Variants in DENND6A observed in about 807,000 individuals in gnomAD.
DENND6A encodes the protein protein DENND6A.
DENND6A carries 43 observed loss-of-function variants against 95.5 expected under a neutral mutation model. The observed-to-expected ratio is 0.45, with a 90% confidence interval of 0.35 to 0.58. DENND6A has a LOEUF of 0.58. Ranked by LOEUF, DENND6A falls within the 20% of genes least tolerant of loss-of-function variation. The pLI, the probability that DENND6A is intolerant of heterozygous loss-of-function variation, is 0.00. For missense variants in DENND6A, 574 were observed against 736.0 expected, an observed-to-expected ratio of 0.78 and a Z score of 2.55; for synonymous variants, 257 against 260.4, an observed-to-expected ratio of 0.99 and a Z score of 0.13.
chr3:57,691,707 G>T (rs1467698531), intron 1 of DENND6A, among the ~76,000 whole-genome samples: 1 of 132,518 alleles, frequency 7.5e-6, no homozygotes, highest in Non-Finnish European at 1.6e-5. Context: ...AAACCAAAAC[G>T]TCTAAACAAA....
At chr3:57,681,692 T>G (rs2077167800) in intron 1 of DENND6A, among the ~76,000 whole-genome samples, 1 of 147,204 alleles carries the variant, frequency 6.8e-6, no homozygotes, top group Admixed American at 6.7e-5. Context: ...AAATAATGAA[T>G]AAACAAAATG....
intron 1 of DENND6A, among the ~76,000 whole-genome samples, chr3:57,682,340 C>T (rs2077174025): frequency 1.4e-5 from 2 of 140,506 alleles, no homozygotes; most frequent in Admixed American, 7.1e-5. Context: ...CACTGCTTTA[C>T]ACACTGCTTT....
intron 9 of DENND6A, among the ~76,000 whole-genome samples, chr3:57,656,548 A>G (rs2071330753): frequency 6.6e-6 from 1 of 152,202 alleles, no homozygotes. Flanking sequence ...ATACCTAGAA[A>G]TAGGATGACT....
intron 1 of DENND6A, chr3:57,679,687 G>A (rs1162933863): frequency 1.4e-5 from 6 of 421,482 alleles, no homozygotes; most frequent in South Asian, 9.9e-5. Flanking sequence ...CACATCAATG[G>A]TCCATTGTTG....
chr3:57,649,817 C>A (rs2071163459), intron 9 of DENND6A, among the ~76,000 whole-genome samples: 1 of 150,896 alleles, frequency 6.6e-6, no homozygotes, highest in Non-Finnish European at 1.5e-5. Context: ...ACCCCCACCC[C>A]CATGGATACC....
chr3:57,653,244 T>C (rs1183818321), intron 9 of DENND6A, among the ~76,000 whole-genome samples: 3 of 152,192 alleles, frequency 2.0e-5, no homozygotes, highest in African/African-American at 7.2e-5. Context: ...GGGATTCCTT[T>C]AAGGCACCAA....
chr3:57,634,219 G>C (rs2070744733), intron 14 of DENND6A, among the ~76,000 whole-genome samples: 2 of 151,958 alleles, frequency 1.3e-5, no homozygotes, highest in Admixed American at 1.3e-4. Context: ...TATCACTTAA[G>C]GCCAGGAGTT....
Position 57,692,549 on chromosome 3 carries a change from A to G in DENND6A, c.237+233T>C, listed in dbSNP as rs550875698. The stretch of plus-strand genomic sequence containing the variant: ...TAAAGAAAGAACAGGATGAACATCA[A>G]CAAGTATTTAGGAGGGGCCTAGAGA... On this transcript the variant is annotated intron_variant, in intron 1 of 19. Coordinates refer to ENST00000311128, the MANE Select transcript of DENND6A (RefSeq NM_152678.3). 2.5e-4 allele frequency among the ~76,000 whole-genome samples: 38 copies of G among 152,356 alleles called. 1 individual carries two copies. The South Asian group carries it at 7.7e-3, about 31-fold the overall frequency.
At chr3:57,639,083 A>C (rs2070868180) in intron 12 of DENND6A, among the ~76,000 whole-genome samples, 1 of 152,130 alleles carries the variant, frequency 6.6e-6, no homozygotes, top group Non-Finnish European at 1.5e-5. Flanking sequence ...GAGCAACAGC[A>C]CAAGACCCTA....
intron 9 of DENND6A, among the ~76,000 whole-genome samples, chr3:57,650,319 T>TTGCAGCAGAGA (rs1364655432): frequency 6.6e-4 from 99 of 150,238 alleles, no homozygotes; most frequent in African/African-American, 2.3e-3. Flanking sequence ...AAAAAAAAAG[T>TTGCAGCAGAGA]TGCAGCAGAG....
chr3:57,646,216 G>A, intron 10 of DENND6A, 100 bp downstream of exon 10: 1 of 1,477,256 alleles, frequency 6.8e-7, no homozygotes. Flanking sequence ...AATGGGTGGG[G>A]AAAAATACGA....
At chr3:57,660,428 G>T (rs375880911) in intron 7 of DENND6A, among the ~76,000 whole-genome samples, 7 of 152,106 alleles carry the variant, frequency 4.6e-5, no homozygotes, top group African/African-American at 1.7e-4. Flanking sequence ...GGATCCACCC[G>T]CCTCGGCCTC....
intron 4 of DENND6A, among the ~76,000 whole-genome samples, chr3:57,665,440 T>A (rs991047039): frequency 6.6e-6 from 1 of 152,130 alleles, no homozygotes; most frequent in Non-Finnish European, 1.5e-5. Context: ...ATTAATACAG[T>A]ATCTAGAACA....
At chr3:57,686,745 G>A (rs2077214706) in intron 1 of DENND6A, among the ~76,000 whole-genome samples, 1 of 152,104 alleles carries the variant, frequency 6.6e-6, no homozygotes, top group African/African-American at 2.4e-5. Context: ...CATGTGTTCT[G>A]ACAGCTCCAC....
intron 9 of DENND6A, among the ~76,000 whole-genome samples, chr3:57,655,509 A>G (rs1382505913): frequency 6.6e-6 from 1 of 152,232 alleles, no homozygotes; most frequent in African/African-American, 2.4e-5. Context: ...TCCCAAATCC[A>G]AAAGGTTTTG....
intron 1 of DENND6A, among the ~76,000 whole-genome samples, chr3:57,676,636 T>TA (rs894457212): frequency 2.0e-5 from 3 of 151,332 alleles, no homozygotes; most frequent in African/African-American, 4.8e-5. Context: ...TATAGCTAAG[T>TA]AAAAAAAAGG....
At position 57,657,889 on chromosome 3, in the gene DENND6A, C is replaced by T. The variant is rs72874839; in HGVS notation, c.763-154G>A. Among the ~76,000 whole-genome samples, 1,003 of 152,224 alleles carry T rather than the reference C, an allele frequency of 6.6e-3. 13 individuals carry two copies. Among genetic ancestry groups the T allele is most frequent in the African/African-American group, 0.022 (931 of 41,524 alleles). ...ACAGCCAGAGAGGGAATGGGTCTTA[C>T]CAATATTCCCTAATATAGCAGAAAA... On this transcript the variant is annotated intron_variant, in intron 8 of 19. Coordinates refer to ENST00000311128, the MANE Select transcript of DENND6A (RefSeq NM_152678.3).
At chr3:57,653,787 C>T (rs901593019) in intron 9 of DENND6A, among the ~76,000 whole-genome samples, 1 of 146,332 alleles carries the variant, frequency 6.8e-6, no homozygotes, top group Non-Finnish European at 1.5e-5. Context: ...AAATTAACTG[C>T]AGTATAGGAT....
At position 57,633,308 on chromosome 3, in the gene DENND6A, C is replaced by A; in HGVS notation, c.1310G>T (p.Arg437Leu). 1 of 1,613,708 alleles carries A rather than the reference C, an allele frequency of 6.2e-7. No individual in the cohort carries two copies. Among genetic ancestry groups the A allele is most frequent in the Non-Finnish European group, 8.5e-7 (1 of 1,179,910 alleles). ...TTGTGTCAGTTCCAAAAAATAGCGT[C>A]GAAGAATAACACTTTGAGCCTCAGA... is the stretch of plus-strand genomic sequence containing the variant. ...RPSEAQSVIL[R>L]RYFLELTQSF... Residue 437 changes from arginine (R) to leucine (L), a missense_variant, in exon 15 of 20, where the codon CGA becomes CTA. Around this residue, in one of 2 missense-constraint regions of DENND6A, gnomAD observed 452 missense variants for 630.9 expected, o/e 0.72. Transcript: ENST00000311128.
Sources: gnomAD v4.1 joint callset for allele counts (sites outside exome capture counted in the v4.1 genomes callset) on GRCh38, gnomAD v4.1.1 for gene constraint, gnomAD v4.1.1 regional missense constraint, MANE v1.5 for transcripts, NCBI Gene and HGNC (gene_info 2026-07-23, HGNC 2026-07-21) for gene names.